The following FAM184B variants were observed in gnomAD, a reference collection of about 807,000 sequenced individuals.
FAM184B encodes protein FAM184B.
A neutral mutation model predicts 135.9 loss-of-function variants in FAM184B; 111 were observed. The ratio of observed to expected loss-of-function variants is 0.82; its 90% CI spans 0.70 to 0.96. FAM184B has a LOEUF of 0.96. Ranked by LOEUF, FAM184B falls within the 40% of genes least tolerant of loss-of-function variation. FAM184B has a pLI of 0.00. For missense variants in FAM184B, 1,375 were observed against 1,323.9 expected (o/e 1.04, Z -0.60); for synonymous variants, 552 against 524.8 (o/e 1.05, Z -0.71).
At chr4:17,744,287 C>G (rs533143389) in intron 1 of FAM184B, among the ~76,000 whole-genome samples, 1 of 151,944 alleles carries the variant, frequency 6.6e-6, no homozygotes. Context: ...TGCAATAGAC[C>G]AGGGGCTGCG....
intron 1 of FAM184B, among the ~76,000 whole-genome samples, chr4:17,736,003 A>G (rs1717900210): frequency 1.3e-5 from 2 of 152,202 alleles, no homozygotes; most frequent in African/African-American, 4.8e-5. Flanking sequence ...GATGGTGGTG[A>G]TGATCTTGAT....
intron 7 of FAM184B, among the ~76,000 whole-genome samples, chr4:17,668,078 T>G (rs1043326458): frequency 1.3e-5 from 2 of 152,232 alleles, no homozygotes; most frequent in Non-Finnish European, 2.9e-5. Flanking sequence ...CTGATTCTCC[T>G]ACAGGTCACC....
At position 17,730,383 on chromosome 4, in the gene FAM184B, G is replaced by A. The variant is rs180672191; in HGVS notation, c.142-20739C>T. Among the ~76,000 whole-genome samples, 1,405 of 152,230 alleles carry A rather than the reference G, an allele frequency of 9.2e-3. 22 individuals carry two copies. Among genetic ancestry groups the A allele is most frequent in the African/African-American group, 0.031 (1,287 of 41,514 alleles). ...AGAACTTCCCCAATCTAGCAAGGCA[G>A]GCCAACATTCAGATTCAGGAAATAC... On this transcript the variant is annotated intron_variant, in intron 1 of 17. Coordinates refer to ENST00000265018, the MANE Select transcript of FAM184B (RefSeq NM_015688.2).
intron 7 of FAM184B, among the ~76,000 whole-genome samples, chr4:17,667,950 T>C (rs1716092193): frequency 6.6e-6 from 1 of 152,204 alleles, no homozygotes; most frequent in Admixed American, 6.5e-5. Context: ...CCTGGGCCTG[T>C]GTGTACAGCT....
chr4:17,730,326 G>A (rs1717747783), intron 1 of FAM184B, among the ~76,000 whole-genome samples: 1 of 152,208 alleles, frequency 6.6e-6, no homozygotes, highest in Non-Finnish European at 1.5e-5. Flanking sequence ...ATGGAACCAA[G>A]TTGGAAAACA....
In FAM184B at chr4:17,741,302, G is replaced by T. The variant is rs73800379; in HGVS notation, c.142-31658C>A. The stretch of plus-strand genomic sequence containing the variant: ...ATTTTAGACAAGGTGGTCAAGAAAG[G>T]CTTCACTGAGAAAGTGACATGCGAG... On this transcript the variant is annotated intron_variant, in intron 1 of 17. Coordinates refer to ENST00000265018, the MANE Select transcript of FAM184B (RefSeq NM_015688.2). Among the ~76,000 whole-genome samples the T allele has an allele frequency of 8.5e-3, 1,293 of 152,294 alleles. 21 individuals are homozygous for T. The highest frequency in any genetic ancestry group is 0.029 in the African/African-American group (1,188 of 41,556).
chr4:17,764,240 A>G (rs960733532), intron 1 of FAM184B, among the ~76,000 whole-genome samples: 3 of 152,192 alleles, frequency 2.0e-5, no homozygotes, highest in Admixed American at 2.0e-4. Context: ...GGAACAATTC[A>G]GCTCTGGCCC....
intron 2 of FAM184B, among the ~76,000 whole-genome samples, chr4:17,708,280 T>C (rs1020490306): frequency 5.3e-5 from 8 of 152,144 alleles, no homozygotes; most frequent in Admixed American, 3.9e-4. Context: ...TCTCCAACGT[T>C]AGGGACCAAG....
At chr4:17,710,268 G>A (rs890188650) in intron 1 of FAM184B, among the ~76,000 whole-genome samples, 5 of 152,038 alleles carry the variant, frequency 3.3e-5, no homozygotes, top group Non-Finnish European at 5.9e-5. Flanking sequence ...AGGTTGCAGC[G>A]AGCTGAGATC....
chr4:17,655,931 A>G (rs1234999200), intron 10 of FAM184B, among the ~76,000 whole-genome samples: 1 of 152,236 alleles, frequency 6.6e-6, no homozygotes, highest in African/African-American at 2.4e-5. Flanking sequence ...TAAATGAGGA[A>G]ACTGAGGCAC....
intron 15 of FAM184B, 58 bp downstream of exon 15, chr4:17,636,470 G>T (rs548562323): frequency 7.5e-6 from 10 of 1,338,160 alleles, no homozygotes; most frequent in Non-Finnish European, 9.4e-6. Flanking sequence ...CGCCCCTCCC[G>T]GGGGAGCCCG....
At chr4:17,632,675 A>T in intron 17 of FAM184B, 50 bp from the exon 18 acceptor site, 1 of 1,277,466 alleles carries the variant, frequency 7.8e-7, no homozygotes, top group East Asian at 2.6e-5. Flanking sequence ...CTATGCAAGA[A>T]GCAGCTTAAT....
chr4:17,644,910 A>C (rs1715428242), intron 12 of FAM184B, among the ~76,000 whole-genome samples: 2 of 152,228 alleles, frequency 1.3e-5, no homozygotes, highest in East Asian at 1.9e-4. Flanking sequence ...ATCAATGTGC[A>C]AAAATCACAA....
chr4:17,663,092 C>G (rs1042909093), intron 8 of FAM184B, among the ~76,000 whole-genome samples: 1 of 152,130 alleles, frequency 6.6e-6, no homozygotes, highest in African/African-American at 2.4e-5. Flanking sequence ...TGTGCCACCA[C>G]GCTCAGCTAA....
chr4:17,708,281 A>G (rs1717160971), intron 2 of FAM184B, among the ~76,000 whole-genome samples: 1 of 152,094 alleles, frequency 6.6e-6, no homozygotes, highest in Non-Finnish European at 1.5e-5. Context: ...CTCCAACGTT[A>G]GGGACCAAGT....
chr4:17,738,142 G>A (rs974467916), intron 1 of FAM184B, among the ~76,000 whole-genome samples: 7 of 152,112 alleles, frequency 4.6e-5, no homozygotes, highest in Non-Finnish European at 1.0e-4. Flanking sequence ...GGCATAGGAT[G>A]GGCATGTGAC....
chr4:17,664,031 A>G (rs1372595072), intron 8 of FAM184B, among the ~76,000 whole-genome samples: 1 of 152,106 alleles, frequency 6.6e-6, no homozygotes, highest in Non-Finnish European at 1.5e-5. Context: ...TTTCCTTTAT[A>G]AATTACCCAG....
chr4:17,633,455 A>C, intron 17 of FAM184B: 1 of 407,952 alleles, frequency 2.5e-6, no homozygotes. Flanking sequence ...CCAAGGCCAC[A>C]GAGCTAAGAA....
chr4:17,742,052 T>C (rs1718053403), intron 1 of FAM184B, among the ~76,000 whole-genome samples: 1 of 151,478 alleles, frequency 6.6e-6, no homozygotes, highest in Non-Finnish European at 1.5e-5. Context: ...CAATAATATA[T>C]TGGACACTTA....
Sources: gnomAD v4.1 joint callset for allele counts (sites outside exome capture counted in the v4.1 genomes callset) on GRCh38, gnomAD v4.1.1 for gene constraint, MANE v1.5 for transcripts, NCBI Gene and HGNC (gene_info 2026-07-23, HGNC 2026-07-21) for gene names.